Variants in HS3ST2 observed in about 807,000 individuals in gnomAD.
The protein encoded by HS3ST2 is heparan sulfate-glucosamine 3-sulfotransferase 2, also known as heparan sulfate glucosamine 3-O-sulfotransferase 2.
In HS3ST2, 17 loss-of-function variants were observed where a neutral mutation model predicts 26.3. The ratio of observed to expected loss-of-function variants is 0.65; its 90% CI spans 0.44 to 0.97. HS3ST2 has a LOEUF of 0.97. HS3ST2 is among the 50% of genes least tolerant of loss of function. HS3ST2 has a pLI of 0.00. For synonymous variants in HS3ST2, 237 were observed against 219.2 expected (o/e 1.08, Z -0.72); for missense variants, 402 against 501.2 (o/e 0.80, Z 1.89).
intron 1 of HS3ST2, among the ~76,000 whole-genome samples, chr16:22,859,308 A>T (rs1901644319): frequency 6.6e-6 from 1 of 152,248 alleles, no homozygotes; most frequent in African/African-American, 2.4e-5. Context: ...TACTCAAAGT[A>T]CAAGTTATTT....
chr16:22,848,966 C>T (rs568972047), intron 1 of HS3ST2, among the ~76,000 whole-genome samples: 140 of 152,336 alleles, frequency 9.2e-4, no homozygotes, highest in Non-Finnish European at 1.4e-3. Flanking sequence ...ATGTGAGAGT[C>T]TTTAAAAGCT....
chr16:22,897,266 C>T (rs1902223261), intron 1 of HS3ST2, among the ~76,000 whole-genome samples: 1 of 152,162 alleles, frequency 6.6e-6, no homozygotes, highest in Admixed American at 6.5e-5. Flanking sequence ...TTATCTCCTC[C>T]ACCAAACCAG....
At chr16:22,853,753 C>T (rs530811911) in intron 1 of HS3ST2, among the ~76,000 whole-genome samples, 11 of 152,248 alleles carry the variant, frequency 7.2e-5, no homozygotes, top group Admixed American at 4.6e-4. Flanking sequence ...GGCTGGGCCT[C>T]CTTCAAGACT....
chr16:22,889,567 T>C (rs926498823), intron 1 of HS3ST2, among the ~76,000 whole-genome samples: 8 of 152,188 alleles, frequency 5.3e-5, no homozygotes, highest in African/African-American at 1.9e-4. Context: ...GTAAGTATAA[T>C]ACAAATATTC....
intron 1 of HS3ST2, among the ~76,000 whole-genome samples, chr16:22,892,629 C>T (rs1483190793): frequency 6.6e-6 from 1 of 152,104 alleles, no homozygotes; most frequent in Admixed American, 6.5e-5. Flanking sequence ...ATAAATAATA[C>T]TAAGTTAAGC....
chr16:22,909,328 A>G (rs936580933), intron 1 of HS3ST2, among the ~76,000 whole-genome samples: 2 of 152,234 alleles, frequency 1.3e-5, no homozygotes, highest in African/African-American at 4.8e-5. Flanking sequence ...TTCTTTCAGT[A>G]ACTTTTGCAG....
At chr16:22,893,395 G>A (rs1442716844) in intron 1 of HS3ST2, among the ~76,000 whole-genome samples, 1 of 152,180 alleles carries the variant, frequency 6.6e-6, no homozygotes, top group African/African-American at 2.4e-5. Flanking sequence ...TAGTGCCTAT[G>A]GGGTTGAGAT....
chr16:22,818,279 A>G (rs543341703), intron 1 of HS3ST2, among the ~76,000 whole-genome samples: 163 of 152,302 alleles, frequency 1.1e-3, no homozygotes, highest in Non-Finnish European at 1.8e-3. Flanking sequence ...AGAGGTGGTC[A>G]CCTAGGTGCT....
At chr16:22,883,503 A>G (rs1026398868) in intron 1 of HS3ST2, among the ~76,000 whole-genome samples, 2 of 152,268 alleles carry the variant, frequency 1.3e-5, no homozygotes, top group Admixed American at 6.5e-5. Context: ...TAGGAAGTCC[A>G]GGCATCCACA....
intron 1 of HS3ST2, among the ~76,000 whole-genome samples, chr16:22,843,663 C>T (rs1412708328): frequency 2.0e-5 from 3 of 152,138 alleles, no homozygotes; most frequent in African/African-American, 7.2e-5. Context: ...AGGCGGGGTG[C>T]ATCACCCCCA....
rs572406883 is a variant in HS3ST2 at position 22,817,989 on chromosome 16, C to T, written c.485+2894C>T. On this transcript the variant is annotated intron_variant, in intron 1 of 1. Transcript: ENST00000261374. ...AGAGACCAGGAGACAGAGTCTGCAC[C>T]TTCTTGTCCTTAGCCTGATCCTTCT... Among the ~76,000 whole-genome samples, 14 of 152,320 alleles carry T rather than the reference C, an allele frequency of 9.2e-5. 2 individuals carry two copies. The highest frequency in any genetic ancestry group is 6.2e-4 in the South Asian group (3 of 4,828).
intron 1 of HS3ST2, among the ~76,000 whole-genome samples, chr16:22,893,780 C>T (rs1422451144): frequency 6.6e-6 from 1 of 151,556 alleles, no homozygotes; most frequent in Non-Finnish European, 1.5e-5. Context: ...CACATGGACA[C>T]AGGGAGGGGA....
At chr16:22,819,017 CCCTT>C (rs1165364326) in intron 1 of HS3ST2, among the ~76,000 whole-genome samples, 3 of 4,192 alleles carry the variant, frequency 7.2e-4, no homozygotes, top group East Asian at 8.3e-3. Context: ...CTCCCTCCCT[CCCTT>C]CCTTCCTTCC....
intron 1 of HS3ST2, among the ~76,000 whole-genome samples, chr16:22,886,236 C>A (rs753159350): frequency 6.6e-6 from 1 of 152,158 alleles, no homozygotes; most frequent in South Asian, 2.1e-4. Context: ...GTAACAGATG[C>A]TTTAGAGCAA....
intron 1 of HS3ST2, among the ~76,000 whole-genome samples, chr16:22,905,879 AT>A (rs1404355560): frequency 6.6e-6 from 1 of 152,184 alleles, no homozygotes; most frequent in Non-Finnish European, 1.5e-5. Context: ...CTTGTTTAAA[AT>A]GCATATTCTT....
At chr16:22,911,270 A>C (rs1198145370) in intron 1 of HS3ST2, among the ~76,000 whole-genome samples, 1 of 152,198 alleles carries the variant, frequency 6.6e-6, no homozygotes, top group African/African-American at 2.4e-5. Flanking sequence ...GAACAGGAAA[A>C]TTGATGAGGA....
chr16:22,878,856 G>T (rs561511333), intron 1 of HS3ST2, among the ~76,000 whole-genome samples: 194 of 152,226 alleles, frequency 1.3e-3, no homozygotes, highest in Middle Eastern at 3.4e-3. Flanking sequence ...CAAGGCCCTG[G>T]GGTAGGCGGG....
At chr16:22,822,422 C>T (rs941947886) in intron 1 of HS3ST2, among the ~76,000 whole-genome samples, 1 of 152,204 alleles carries the variant, frequency 6.6e-6, no homozygotes, top group African/African-American at 2.4e-5. Context: ...TCTGCCTCCA[C>T]CTCCTAGAGT....
chr16:22,896,865 G>A (rs1226007761), intron 1 of HS3ST2, among the ~76,000 whole-genome samples: 2 of 152,020 alleles, frequency 1.3e-5, no homozygotes, highest in Admixed American at 6.6e-5. Context: ...GGAGTGCAAC[G>A]GCGCAATCTC....
Sources: allele counts gnomAD v4.1 joint callset (sites outside exome capture counted in the v4.1 genomes callset), GRCh38; gene constraint gnomAD v4.1.1; transcripts MANE v1.5; gene names NCBI Gene and HGNC (gene_info 2026-07-23, HGNC 2026-07-21).